Variants in WTIP observed in about 807,000 individuals in gnomAD.
WTIP encodes Wilms tumor protein 1-interacting protein.
A neutral mutation model predicts 41.7 loss-of-function variants in WTIP; 23 were observed. The observed-to-expected ratio is 0.55, with a 90% confidence interval of 0.40 to 0.78. The LOEUF is 0.78. Among genes scored for constraint, WTIP ranks in the 30% least tolerant of loss-of-function variants. WTIP has a pLI of 0.00. For missense variants in WTIP, 619 were observed against 610.5 expected, an observed-to-expected ratio of 1.01 and a Z score of -0.15; for synonymous variants, 314 against 269.9, an observed-to-expected ratio of 1.16 and a Z score of -1.60.
intron 1 of WTIP, among the ~76,000 whole-genome samples, chr19:34,489,332 G>A (rs1390310783): frequency 2.0e-5 from 3 of 152,034 alleles, no homozygotes; most frequent in Non-Finnish European, 4.4e-5. Flanking sequence ...TGGGTGCATT[G>A]CAGACTGAGT....
In WTIP at chr19:34,484,675, C is replaced by G. The variant is rs1228154004; in HGVS notation, c.667+2034C>G. On this transcript the variant is annotated intron_variant, in intron 1 of 7. Transcript: ENST00000590071. ...GGGAGGGGGGTGTTCTGTAGACACC[C>G]CTGAATCTTTATATGATATAGGGGT... Among the ~76,000 whole-genome samples the G allele has an allele frequency of 2.6e-5, 4 of 152,014 alleles. No individual in the cohort carries two copies. The East Asian group carries it at 7.7e-4, about 29-fold the overall frequency.
rs146495489 is a variant in WTIP at position 34,505,587 on chromosome 19, G to C, written c.*5318G>C. On this transcript the variant is annotated 3_prime_UTR_variant, in exon 8 of 8. Transcript: ENST00000590071. ...CCACGCCCATTGTCCTACACCCAGCGCACACTCCTCTCCACGCTGCGCACG... is the reference window on the plus strand; with the variant it reads ...CCACGCCCATTGTCCTACACCCAGCCCACACTCCTCTCCACGCTGCGCACG... 1 of 152,564 alleles carries C rather than the reference G, an allele frequency of 6.6e-6. No homozygotes were observed. The highest frequency in any genetic ancestry group is 1.9e-4 in the East Asian group (1 of 5,180). 9.5% of individuals were successfully genotyped at this position (152,564 alleles called of 1,614,324 possible). A position where few individuals can be genotyped will look rare whatever the true frequency, so the allele number is the denominator to read the frequency against.
intron 7 of WTIP, among the ~76,000 whole-genome samples, chr19:34,496,792 T>C (rs2075856262): frequency 6.6e-6 from 1 of 151,790 alleles, no homozygotes; most frequent in Non-Finnish European, 1.5e-5. Flanking sequence ...GACCTGTAAG[T>C]GGGCGGGGGT....
In WTIP at chr19:34,500,269, A is replaced by G; in HGVS notation, c.1293A>G (p.Ter431TrpextTer107). Residue 431 changes from the stop codon to tryptophan, a stop_lost, in exon 8 of 8, where the codon TGA becomes TGG. Transcript: ENST00000590071. ...PSPTVHVTEL[*>W] ...CCACTGTGCACGTCACTGAGCTCTG[A>G]GCAGGGGAAAACCCGTCCCTGGGCC... 1 of 1,605,610 alleles carries G rather than the reference A, an allele frequency of 6.2e-7. No individual in the cohort carries two copies. The highest frequency in any genetic ancestry group is 8.5e-7 in the Non-Finnish European group (1 of 1,178,328).
At position 34,504,403 on chromosome 19, in the gene WTIP, T is replaced by TTG. The variant is rs142028323; in HGVS notation, c.*4152_*4153dup. 4,990 of 146,284 alleles carry TTG rather than the reference T, an allele frequency of 0.034. 200 individuals carry two copies. The highest frequency in any genetic ancestry group is 0.14 in the Admixed American group (1,998 of 14,766). The allele number at this position is 146,284 out of a possible 1,614,324, so 9.1% of individuals were successfully genotyped here. A position where few individuals can be genotyped will look rare whatever the true frequency, so the allele number is the denominator to read the frequency against. Reference sequence around the variant, plus strand: ...CTGTGGGGTGTAATTGTGTGTTTGTTTGTGTGTGTGTGTGTGTGTCTGTGT... The same window carrying TTG: ...CTGTGGGGTGTAATTGTGTGTTTGTTTGTGTGTGTGTGTGTGTGTGTCTGTGT... On this transcript the variant is annotated 3_prime_UTR_variant, in exon 8 of 8. Transcript: ENST00000590071.
At chr19:34,489,636 T>C (rs2075815509) in intron 1 of WTIP, among the ~76,000 whole-genome samples, 1 of 150,706 alleles carries the variant, frequency 6.6e-6, no homozygotes, top group South Asian at 2.1e-4. Flanking sequence ...AAAGCAACTG[T>C]CTTGGTATAA....
At chr19:34,494,299 A>C (rs2075841527) in intron 5 of WTIP, among the ~76,000 whole-genome samples, 1 of 152,016 alleles carries the variant, frequency 6.6e-6, no homozygotes, top group Admixed American at 6.6e-5. Flanking sequence ...CATGCCTGTA[A>C]TCCCAGCACT....
chr19:34,484,597 C>T (rs1327250349), intron 1 of WTIP, among the ~76,000 whole-genome samples: 1 of 152,050 alleles, frequency 6.6e-6, no homozygotes, highest in Non-Finnish European at 1.5e-5. Context: ...TTTCCAGTGC[C>T]CTCTGCAGGG....
chr19:34,498,185 G>A (rs975673035), intron 7 of WTIP, among the ~76,000 whole-genome samples: 6 of 152,110 alleles, frequency 3.9e-5, no homozygotes, highest in African/African-American at 9.7e-5. Context: ...TCTGGGTAAC[G>A]GGTCAAAGCC....
rs61741583 is a variant in WTIP, at chr19:34,495,708, C to T, written c.1089C>T (p.Cys363=). ...AACTCCTTCTCTTCCTCCAGGGCTG[C>T]GAGACAACCATCCGTGTGGTGTCCA... The part of the protein sequence containing the change: ...CARPILPAQG[C]ETTIRVVSMD... The change falls in exon 7 of 8, where the codon TGC becomes TGT. Residue 363 remains cysteine, a synonymous_variant. Transcript: ENST00000590071. 1.1e-3 allele frequency: 1,830 copies of T among 1,613,866 alleles called. 16 individuals carry two copies. In the African/African-American group the frequency reaches 0.019, roughly 17 times the overall value.
rs2075913772 is a variant in WTIP at position 34,506,827 on chromosome 19, G to C, written c.*6558G>C. The C allele has an allele frequency of 6.6e-6, 1 of 152,026 alleles. No individual in the cohort carries two copies. Among genetic ancestry groups the C allele is most frequent in the African/African-American group, 2.4e-5 (1 of 41,386 alleles). The allele number at this position is 152,026 out of a possible 1,614,324, so 9.4% of individuals were successfully genotyped here. ...ATAAATAAAACTGGTTAAAAATTGA[G>C]TCTCCCTGAAGTAGGTGCTCTTTCC... On this transcript the variant is annotated 3_prime_UTR_variant, in exon 8 of 8. Transcript: ENST00000590071.
chr19:34,494,774 A>G, intron 6 of WTIP, 137 bp downstream of exon 6: 2 of 875,438 alleles, frequency 2.3e-6, no homozygotes, highest in Admixed American at 5.5e-5. Flanking sequence ...TTCAGGGCTG[A>G]GGGATGTGTG....
Position 34,490,489 on chromosome 19 carries a change from C to A in WTIP, c.769+12C>A. The A allele has an allele frequency of 3.7e-6, 6 of 1,612,610 alleles. No homozygotes were observed. The highest frequency in any genetic ancestry group is 5.1e-6 in the Non-Finnish European group (6 of 1,178,728). On this transcript the variant is annotated intron_variant, in intron 2 of 7. Transcript: ENST00000590071. ...CTGCGACTCGTGTGGTAGGTAACCT[C>A]GTGCCCTGGGTAGCTCTGTGAAGGG...
At chr19:34,489,028 T>G (rs2075811957) in intron 1 of WTIP, among the ~76,000 whole-genome samples, 1 of 151,046 alleles carries the variant, frequency 6.6e-6, no homozygotes, top group Non-Finnish European at 1.5e-5. Flanking sequence ...TGAAACCCTA[T>G]CTCTACTAAA....
intron 2 of WTIP, among the ~76,000 whole-genome samples, chr19:34,491,802 G>A (rs1218348761): frequency 1.3e-5 from 2 of 151,602 alleles, no homozygotes; most frequent in Admixed American, 6.6e-5. Context: ...GCAACACCAC[G>A]CCCGGCTAAT....
intron 1 of WTIP, among the ~76,000 whole-genome samples, chr19:34,482,994 TTTTTC>T (rs952544924): frequency 4.0e-5 from 6 of 150,682 alleles, no homozygotes; most frequent in East Asian, 1.9e-4. Context: ...TTCTTTTTTT[TTTTTC>T]TTTCTTCTTT....
chr19:34,487,980 TC>T (rs1037260268), intron 1 of WTIP, among the ~76,000 whole-genome samples: 1 of 152,124 alleles, frequency 6.6e-6, no homozygotes, highest in African/African-American at 2.4e-5. Context: ...CTTTCCACCT[TC>T]CCCGCTGCAT....
At position 34,482,264 on chromosome 19, in the gene WTIP, ACGG is replaced by A. The variant is rs1382868695; in HGVS notation, c.300_302del (p.Gly103del). 2.1e-5 allele frequency: 27 copies of A among 1,292,132 alleles called. No individual in the cohort carries two copies. Among genetic ancestry groups the A allele is most frequent in the South Asian group, 1.8e-4 (10 of 55,744 alleles). 80.0% of individuals were successfully genotyped at this position (1,292,132 alleles called of 1,614,324 possible). On this transcript the variant is annotated inframe_deletion, in exon 1 of 8. Transcript: ENST00000590071. The stretch of plus-strand genomic sequence containing the variant: ...CCACGGGCCAGCCTGGCGGGGTCCG[ACGG>A]CGGCGGCGGTGGCGGCAGCGCCCGA...
rs1045826143 is a variant in WTIP, at chr19:34,493,999, G to C, written c.1031+377G>C. The stretch of plus-strand genomic sequence containing the variant: ...TGCAGCCCCCTTCTCCTGCCTGTCT[G>C]ATCCCTGATCTGTTTCCTCCTACCG... On this transcript the variant is annotated intron_variant, in intron 5 of 7. Transcript: ENST00000590071. The surrounding 1 kb of genome is among the most constrained non-coding windows in gnomAD (Gnocchi z 4.1). 6.6e-6 allele frequency among the ~76,000 whole-genome samples: 1 copy of C among 152,138 alleles called. No individual in the cohort carries two copies. The highest frequency in any genetic ancestry group is 2.4e-5 in the African/African-American group (1 of 41,432).
Sources: allele counts gnomAD v4.1 joint callset (sites outside exome capture counted in the v4.1 genomes callset), GRCh38; gene constraint gnomAD v4.1.1; non-coding constraint Gnocchi (gnomAD v3.1); transcripts MANE v1.5; gene names NCBI Gene and HGNC (gene_info 2026-07-23, HGNC 2026-07-21).